VSNL1: variants seen among roughly 807,000 people sequenced by gnomAD.
VSNL1 encodes the protein visinin like 1.
A neutral mutation model predicts 20.4 loss-of-function variants in VSNL1; 6 were observed. That is an observed-to-expected ratio of 0.29 (90% CI 0.16 to 0.58). The LOEUF is 0.58. Ranked by LOEUF, VSNL1 falls within the 20% of genes least tolerant of loss-of-function variation. The pLI is 0.90. For missense variants in VSNL1, 100 were observed against 234.5 expected (o/e 0.43, Z 3.75); for synonymous variants, 93 against 86.4 (o/e 1.08, Z -0.42).
intron 3 of VSNL1, among the ~76,000 whole-genome samples, chr2:17,652,474 G>A (rs1274203351): frequency 6.6e-6 from 1 of 152,226 alleles, no homozygotes; most frequent in African/African-American, 2.4e-5. Context: ...AACCAGCTGA[G>A]AATAGTTTCA....
chr2:17,560,614 G>C (rs1663791597), intron 1 of VSNL1, among the ~76,000 whole-genome samples: 1 of 152,080 alleles, frequency 6.6e-6, no homozygotes, highest in South Asian at 2.1e-4. Flanking sequence ...TACATAAAAT[G>C]AATTTCGGGC....
Position 17,655,069 on chromosome 2 carries a change from T to C in VSNL1, c.379-128T>C. ...AAACTTGCAGCACAAGGAGTGAAAC[T>C]CCTCTGGGGAAAGGGAAGCTGAGGC... On this transcript the variant is annotated intron_variant, in intron 3 of 3. Coordinates refer to ENST00000295156, the MANE Select transcript of VSNL1 (RefSeq NM_003385.5). The surrounding 1 kb of genome is among the most constrained non-coding windows in gnomAD (Gnocchi z 5.2). 1.1e-6 allele frequency: 1 copy of C among 887,344 alleles called. No homozygotes were observed. Among genetic ancestry groups the C allele is most frequent in the South Asian group, 1.7e-5 (1 of 57,878 alleles). The allele number at this position is 887,344 out of a possible 1,614,324, so 55.0% of individuals were successfully genotyped here.
intron 1 of VSNL1, among the ~76,000 whole-genome samples, chr2:17,544,189 T>G (rs1663357915): frequency 6.6e-6 from 1 of 152,162 alleles, no homozygotes; most frequent in Non-Finnish European, 1.5e-5. Context: ...AGCAAAGTGG[T>G]GAGTTTCTCA....
intron 1 of VSNL1, among the ~76,000 whole-genome samples, 174 bp from the exon 2 acceptor site, chr2:17,591,896 C>G (rs548082755): frequency 1.2e-4 from 18 of 151,878 alleles, no homozygotes; most frequent in African/African-American, 3.6e-4. Context: ...GTCTATTTCA[C>G]TCATATATTT....
rs893587909 is a variant in VSNL1 at position 17,584,710 on chromosome 2, G to A, written c.-5-7360G>A. The stretch of plus-strand genomic sequence containing the variant: ...TCCACTCGTCACACCCTACTCACAT[G>A]AGAAGACATGATTCTGAAGGGCTTA... On this transcript the variant is annotated intron_variant, in intron 1 of 3. Coordinates refer to ENST00000295156, the MANE Select transcript of VSNL1 (RefSeq NM_003385.5). Among the ~76,000 whole-genome samples the A allele has an allele frequency of 3.9e-5, 6 of 152,286 alleles. 1 individual carries two copies. The highest frequency in any genetic ancestry group is 1.4e-4 in the African/African-American group (6 of 41,574).
chr2:17,638,933 G>T (rs1323001193), intron 2 of VSNL1, among the ~76,000 whole-genome samples: 1 of 152,216 alleles, frequency 6.6e-6, no homozygotes, highest in Non-Finnish European at 1.5e-5. Flanking sequence ...GGATAAGGAA[G>T]TGAGAGGTCT....
In VSNL1 at chr2:17,599,179, A is replaced by G. The variant is rs139881308; in HGVS notation, c.162+6943A>G. On this transcript the variant is annotated intron_variant, in intron 2 of 3. Coordinates refer to ENST00000295156, the MANE Select transcript of VSNL1 (RefSeq NM_003385.5). ...GTGAAGATAGGGTAAAAAAATACATATATGAACAGCTATCACACTGGGTTG... is the reference window on the plus strand; with the variant it reads ...GTGAAGATAGGGTAAAAAAATACATGTATGAACAGCTATCACACTGGGTTG... 4.5e-3 allele frequency among the ~76,000 whole-genome samples: 679 copies of G among 152,308 alleles called. 2 individuals are homozygous for G. The highest frequency in any genetic ancestry group is 6.8e-3 in the Middle Eastern group (2 of 294).
intron 2 of VSNL1, among the ~76,000 whole-genome samples, chr2:17,627,538 AG>A (rs994402021): frequency 4.6e-5 from 7 of 152,184 alleles, no homozygotes; most frequent in African/African-American, 1.7e-4. Context: ...TTTGGTGGGT[AG>A]GGGTCCAGTG....
At chr2:17,640,555 G>A (rs775611849) in intron 2 of VSNL1, among the ~76,000 whole-genome samples, 2 of 152,212 alleles carry the variant, frequency 1.3e-5, no homozygotes, top group African/African-American at 2.4e-5. Flanking sequence ...TTGCAGTAAC[G>A]CAGGACAGGA....
At chr2:17,637,947 C>A (rs1036304324) in intron 2 of VSNL1, among the ~76,000 whole-genome samples, 1 of 152,122 alleles carries the variant, frequency 6.6e-6, no homozygotes, top group Non-Finnish European at 1.5e-5. Context: ...TAATGCTGAG[C>A]GGTCAAGTCA....
intron 2 of VSNL1, among the ~76,000 whole-genome samples, chr2:17,596,466 A>G (rs1664712220): frequency 6.6e-6 from 1 of 152,206 alleles, no homozygotes; most frequent in Admixed American, 6.5e-5. Context: ...CCACGGTTTA[A>G]TGAGAAAATC....
In VSNL1 at chr2:17,655,215, G is replaced by C; in HGVS notation, c.397G>C (p.Gly133Arg). 1 of 1,614,054 alleles carries C rather than the reference G, an allele frequency of 6.2e-7. No individual in the cohort carries two copies. Residue 133 changes from glycine (G) to arginine (R), a missense_variant, in exon 4 of 4, where the codon GGC (glycine) becomes CGC (arginine). Gly to Arg is a moderately radical substitution (Grantham distance 125). Transcript: ENST00000295156. The surrounding 1 kb of genome is among the most constrained non-coding windows in gnomAD (Gnocchi z 5.2). ...CCCCAAGGCTATCTACAAAATGGTA[G>C]GCACTGTGATCATGATGAAAATGAA... ...EIIEAIYKMV[G>R]TVIMMKMNED...
At chr2:17,605,199 A>G (rs1454626610) in intron 2 of VSNL1, among the ~76,000 whole-genome samples, 1 of 152,250 alleles carries the variant, frequency 6.6e-6, no homozygotes, top group African/African-American at 2.4e-5. Context: ...GGGATAGAGT[A>G]TGGGGTTGAG....
At chr2:17,552,241 CTG>C (rs1663561478) in intron 1 of VSNL1, among the ~76,000 whole-genome samples, 1 of 151,326 alleles carries the variant, frequency 6.6e-6, no homozygotes, top group African/African-American at 2.4e-5. Flanking sequence ...GTACAGTGCT[CTG>C]TGTTGGATAC....
At chr2:17,615,572 C>T (rs551280518) in intron 2 of VSNL1, among the ~76,000 whole-genome samples, 13 of 152,370 alleles carry the variant, frequency 8.5e-5, no homozygotes, top group African/African-American at 3.1e-4. Context: ...CTACAATTAA[C>T]TGAATCCAGC....
chr2:17,616,392 G>A (rs536440709), intron 2 of VSNL1, among the ~76,000 whole-genome samples: 8 of 152,292 alleles, frequency 5.3e-5, no homozygotes, highest in Admixed American at 2.6e-4. Context: ...AGCTCCAATC[G>A]GTGACTTTCT....
chr2:17,645,690 G>A (rs192664582), intron 2 of VSNL1, among the ~76,000 whole-genome samples: 3 of 152,330 alleles, frequency 2.0e-5, no homozygotes, highest in Admixed American at 2.0e-4. Context: ...GGGGCCCACT[G>A]TCTGTAGAAA....
In VSNL1 at chr2:17,649,720, G is replaced by C; in HGVS notation, c.378+95G>C. ...GGCCTTAGTGGCTTCTTCTCTCTCTGCTCGAGCCCTGCCAGCTGCACACCA... is the reference window on the plus strand; with the variant it reads ...GGCCTTAGTGGCTTCTTCTCTCTCTCCTCGAGCCCTGCCAGCTGCACACCA... On this transcript the variant is annotated intron_variant, in intron 3 of 3. Coordinates refer to ENST00000295156, the MANE Select transcript of VSNL1 (RefSeq NM_003385.5). This position sits in a 1 kb window ranked among gnomAD's most constrained non-coding sequence, Gnocchi z 6.4. 8.4e-7 allele frequency: 1 copy of C among 1,186,452 alleles called. No homozygotes were observed. The highest frequency in any genetic ancestry group is 1.2e-6 in the Non-Finnish European group (1 of 823,306). The allele number at this position is 1,186,452 out of a possible 1,614,324, so 73.5% of individuals were successfully genotyped here.
At chr2:17,555,998 G>A (rs1345516162) in intron 1 of VSNL1, among the ~76,000 whole-genome samples, 1 of 152,166 alleles carries the variant, frequency 6.6e-6, no homozygotes, top group East Asian at 1.9e-4. Flanking sequence ...GGTGTTACAC[G>A]AGTGTTAAAA....
Sources: gnomAD v4.1 joint callset for allele counts (sites outside exome capture counted in the v4.1 genomes callset) on GRCh38, gnomAD v4.1.1 for gene constraint, Gnocchi (gnomAD v3.1) non-coding constraint, MANE v1.5 for transcripts, NCBI Gene and HGNC (gene_info 2026-07-23, HGNC 2026-07-21) for gene names.